The following RBM45 variants were observed in gnomAD, a reference collection of about 807,000 sequenced individuals.
RBM45 encodes RNA binding motif protein 45, also known as RNA-binding protein 45.
Under a neutral mutation model 58.5 loss-of-function variants are expected in RBM45, and 39 were observed. That is an observed-to-expected ratio of 0.67 (90% CI 0.52 to 0.87). The LOEUF is 0.87. RBM45 is among the 40% of genes least tolerant of loss of function. The pLI, the probability that RBM45 is intolerant of heterozygous loss-of-function variation, is 0.00. For synonymous variants in RBM45, 193 were observed against 203.0 expected (o/e 0.95, Z 0.42); for missense variants, 481 against 581.6 (o/e 0.83, Z 1.78).
chr2:178,112,510 A>G lies in RBM45; in HGVS notation c.-37A>G, dbSNP rs765656188. On this transcript the variant is annotated 5_prime_UTR_variant, in exon 1 of 10. Transcript: ENST00000286070. The stretch of plus-strand genomic sequence containing the variant: ...CAGCGGTGGCAGACACCGCAGAAGC[A>G]AAGAGCAGTGAGGCTCCTGCATTCG... 41 of 1,579,772 alleles carry G rather than the reference A, an allele frequency of 2.6e-5. No homozygotes were observed. Among genetic ancestry groups the G allele is most frequent in the Admixed American group, 5.1e-5 (3 of 58,546 alleles).
exon 4 of RBM45, chr2:178,137,215 G>GTAGCACTGTTAACTTGTT (rs2088052165): frequency 6.6e-6 from 1 of 152,164 alleles, no homozygotes; most frequent in East Asian, 1.9e-4. Context: ...ACAGTGGTAT[G>GTAGCACTGTTAACTTGTT]AACAGCAAGA....
At chr2:178,120,928 G>A (rs930185241) in intron 4 of RBM45, 7 of 312,014 alleles carry the variant, frequency 2.2e-5, no homozygotes, top group Non-Finnish European at 3.5e-5. Context: ...TTTCAGTTTT[G>A]CATACTAAAC....
downstream of RBM45, among the ~76,000 whole-genome samples, chr2:178,133,275 A>G (rs962852384): frequency 1.3e-5 from 2 of 152,250 alleles, no homozygotes; most frequent in African/African-American, 2.4e-5. Flanking sequence ...TGATGTTTGT[A>G]AAGGATAGTA....
In RBM45 at chr2:178,116,355, A is replaced by T. The variant is rs2087777211; in HGVS notation, c.394A>T (p.Thr132Ser). ...RIFVMIPKSY[T>S]EEDLREKFKV... ...CTTTGTTATGATACCAAAGTCCTACACAGAAGAAGATCTGCGGGAAAAATT... is the reference window on the plus strand; with the variant it reads ...CTTTGTTATGATACCAAAGTCCTACTCAGAAGAAGATCTGCGGGAAAAATT... Residue 132 changes from threonine to serine, a missense_variant, in exon 2 of 10, where the codon ACA (threonine) becomes TCA (serine). By Grantham distance (58) the Thr-to-Ser change is moderately conservative (BLOSUM62 1). Transcript: ENST00000286070. 6.2e-7 allele frequency: 1 copy of T among 1,605,338 alleles called. No individual in the cohort carries two copies. Among genetic ancestry groups the T allele is most frequent in the Non-Finnish European group, 8.5e-7 (1 of 1,177,870 alleles).
At chr2:178,128,369 A>G (rs1430406403) in intron 9 of RBM45, among the ~76,000 whole-genome samples, 3 of 152,312 alleles carry the variant, frequency 2.0e-5, no homozygotes, top group Non-Finnish European at 4.4e-5. Context: ...AAAATGTAAA[A>G]TGAAAAAAAG....
intron 3 of RBM45, among the ~76,000 whole-genome samples, chr2:178,119,931 A>C (rs1222248108): frequency 6.6e-6 from 1 of 152,216 alleles, no homozygotes; most frequent in Non-Finnish European, 1.5e-5. Flanking sequence ...GTGCATTTCA[A>C]AGGAAGAAAC....
downstream of RBM45, among the ~76,000 whole-genome samples, chr2:178,130,541 A>G (rs2087995305): frequency 6.6e-6 from 1 of 152,246 alleles, no homozygotes; most frequent in South Asian, 2.1e-4. Context: ...CTAAAACTAA[A>G]TAAAGATTAA....
chr2:178,126,805 T>G (rs1559081902), intron 9 of RBM45, among the ~76,000 whole-genome samples: 3 of 152,254 alleles, frequency 2.0e-5, no homozygotes, highest in Non-Finnish European at 4.4e-5. Context: ...CTCTTTATTG[T>G]AAATTTTGAT....
chr2:178,117,454 C>A lies in RBM45; in HGVS notation c.424-601C>A, dbSNP rs1275338844. ...TGAAAGTAAACACTACTGCATGTTT[C>A]TCAGAATAGTAACTTTCTGAGTGAA... On this transcript the variant is annotated intron_variant, in intron 2 of 9. Transcript: ENST00000286070. Among the ~76,000 whole-genome samples the A allele has an allele frequency of 1.1e-4, 16 of 152,162 alleles. 1 individual carries two copies. The highest frequency in any genetic ancestry group is 1.0e-3 in the Admixed American group (16 of 15,270).
At chr2:178,131,833 A>G (rs569066582), downstream of RBM45, among the ~76,000 whole-genome samples, 4 of 152,256 alleles carry the variant, frequency 2.6e-5, no homozygotes, top group Non-Finnish European at 5.9e-5. Flanking sequence ...GTTGATCCCT[A>G]AAGCTGTATT....
chr2:178,133,006 G>A (rs2088017239), downstream of RBM45, among the ~76,000 whole-genome samples: 1 of 152,192 alleles, frequency 6.6e-6, no homozygotes, highest in Admixed American at 6.5e-5. Flanking sequence ...TGGTTATGAT[G>A]GGGTGGTCAG....
intron 5 of RBM45, among the ~76,000 whole-genome samples, chr2:178,122,730 A>G (rs1429289990): frequency 6.6e-6 from 1 of 152,158 alleles, no homozygotes; most frequent in Admixed American, 6.5e-5. Flanking sequence ...GTGTCATCAT[A>G]TAGTTCGAAT....
intron 4 of RBM45, among the ~76,000 whole-genome samples, chr2:178,120,770 A>C (rs2087839101): frequency 6.6e-6 from 1 of 152,178 alleles, no homozygotes; most frequent in Admixed American, 6.5e-5. Context: ...TTTGTTCCAG[A>C]ACTACTGCTA....
intron 4 of RBM45, 31 bp downstream of exon 4, chr2:178,120,440 T>C (rs1372574389): frequency 1.3e-6 from 2 of 1,582,002 alleles, no homozygotes; most frequent in African/African-American, 2.7e-5. Context: ...TTTAATAGTA[T>C]AATGTAGTAT....
chr2:178,123,451 A>G (rs2087883259), intron 5 of RBM45, 71 bp from the exon 6 acceptor site: 1 of 1,451,674 alleles, frequency 6.9e-7, no homozygotes, highest in Non-Finnish European at 9.2e-7. Context: ...CATTTTTGTG[A>G]TAGATTGTAA....
At position 178,115,937 on chromosome 2, in the gene RBM45, G is replaced by A. The variant is rs553564733; in HGVS notation, c.301-325G>A. Among the ~76,000 whole-genome samples, 53 of 152,114 alleles carry A rather than the reference G, an allele frequency of 3.5e-4. 1 individual carries two copies. The South Asian group carries it at 0.01, about 30-fold the overall frequency. On this transcript the variant is annotated intron_variant, in intron 1 of 9. Coordinates refer to ENST00000286070, the MANE Select transcript of RBM45 (RefSeq NM_152945.4). ...GAAGGTCAAAGTGGGAGGATCACTTGAGCCCAGGAATTCATGACCATCCTG... is the reference window on the plus strand; with the variant it reads ...GAAGGTCAAAGTGGGAGGATCACTTAAGCCCAGGAATTCATGACCATCCTG...
At position 178,125,979 on chromosome 2, in the gene RBM45, T is replaced by C. The variant is rs1424411955; in HGVS notation, c.1233-5T>C. On this transcript the variant is annotated splice_polypyrimidine_tract_variant and splice_region_variant and intron_variant, in intron 8 of 9. Coordinates refer to ENST00000286070, the MANE Select transcript of RBM45 (RefSeq NM_152945.4). ...TGGTTGATTATTTTTTTCACTTTGT[T>C]TCAGTCGTTTTGGTAACCTGATCGA... 2 of 1,610,300 alleles carry C rather than the reference T, an allele frequency of 1.2e-6. No individual in the cohort carries two copies. The highest frequency in any genetic ancestry group is 2.7e-5 in the African/African-American group (2 of 74,784).
At chr2:178,131,411 C>G (rs142793967), downstream of RBM45, among the ~76,000 whole-genome samples, 5 of 152,310 alleles carry the variant, frequency 3.3e-5, no homozygotes, top group East Asian at 9.6e-4. Flanking sequence ...AGATAAGATC[C>G]TATTTCCTAC....
chr2:178,112,723 C>T lies in RBM45; in HGVS notation c.177C>T (p.Asp59=), dbSNP rs774945870. Residue 59 remains aspartate, a synonymous_variant, in exon 1 of 10, where the codon GAC becomes GAT. Coordinates refer to ENST00000286070, the MANE Select transcript of RBM45 (RefSeq NM_152945.4). The part of the protein sequence containing the change: ...GDIQDIWVVR[D]KHTKESKGIA... ...TCCAGGACATCTGGGTGGTGCGGGA[C>T]AAGCACACCAAGGAGTCCAAGGGCA... is the stretch of plus-strand genomic sequence containing the variant. The T allele has an allele frequency of 5.6e-6, 9 of 1,614,090 alleles. No homozygotes were observed. The African/African-American group carries it at 6.7e-5, about 12-fold the overall frequency.
Sources: allele counts gnomAD v4.1 joint callset (sites outside exome capture counted in the v4.1 genomes callset), GRCh38; gene constraint gnomAD v4.1.1; transcripts MANE v1.5; gene names NCBI Gene and HGNC (gene_info 2026-07-23, HGNC 2026-07-21).